Variants in ZNF141 observed in about 807,000 individuals in gnomAD.
The protein encoded by ZNF141 is zinc finger protein 141.
ZNF141 carries 7 observed loss-of-function variants against 11.3 expected under a neutral mutation model. That is an observed-to-expected ratio of 0.62 (90% confidence interval 0.35 to 1.16). ZNF141 has a LOEUF of 1.16. ZNF141 is among the 50% of genes most tolerant of loss of function. The probability of loss-of-function intolerance (pLI) is 0.02; values close to 1 mark genes in which losing one functional copy is unlikely to be tolerated. For missense variants in ZNF141, 535 were observed against 554.0 expected, an observed-to-expected ratio of 0.97 and a Z score of 0.34; for synonymous variants, 183 against 190.7, an observed-to-expected ratio of 0.96 and a Z score of 0.33.
rs1388917185 is a variant in ZNF141, at chr4:373,632, G to C, written c.1195G>C (p.Glu399Gln). The C allele has an allele frequency of 6.2e-7, 1 of 1,614,054 alleles. No homozygotes were observed. Among genetic ancestry groups the C allele is most frequent in the African/African-American group, 1.3e-5 (1 of 74,926 alleles). ...HTGEKPYKCE[E>Q]CGKAFRRSTD... ...TGGAGAGAAACCCTACAAATGTGAA[G>C]AATGTGGCAAAGCCTTTAGACGGTC... is the stretch of plus-strand genomic sequence containing the variant. The change falls in exon 4 of 4, where the codon GAA (glutamate) becomes CAA (glutamine). Residue 399 changes from glutamate to glutamine, a missense_variant. Physicochemically the swap from Glu to Gln is conservative, Grantham distance 29. Transcript: ENST00000240499.
chr4:346,587 C>T (rs552016829), intron 3 of ZNF141, among the ~76,000 whole-genome samples: 3 of 152,252 alleles, frequency 2.0e-5, no homozygotes, highest in Admixed American at 2.0e-4. Context: ...ATTTACTCAA[C>T]TTATAACTAA....
At chr4:339,549 C>T (rs1720953790) in intron 1 of ZNF141, among the ~76,000 whole-genome samples, 1 of 152,212 alleles carries the variant, frequency 6.6e-6, no homozygotes, top group South Asian at 2.1e-4. Context: ...GTTGTAGGAC[C>T]AAATACAAAT....
chr4:371,020 C>T (rs1162627913), intron 3 of ZNF141, among the ~76,000 whole-genome samples: 7 of 151,910 alleles, frequency 4.6e-5, no homozygotes, highest in Admixed American at 3.9e-4. Context: ...GCATGAGCCA[C>T]CATGCCTGGC....
intron 1 of ZNF141, among the ~76,000 whole-genome samples, chr4:339,514 C>G (rs1553848096): frequency 6.6e-6 from 1 of 152,218 alleles, no homozygotes; most frequent in Admixed American, 6.5e-5. Context: ...TTAGTGAGTT[C>G]AAGACCATGC....
intron 3 of ZNF141, among the ~76,000 whole-genome samples, chr4:367,833 T>C (rs1250833310): frequency 1.3e-5 from 2 of 152,226 alleles, no homozygotes; most frequent in Admixed American, 1.3e-4. Flanking sequence ...TACTGTTTTT[T>C]TCCAAAGTTT....
intron 3 of ZNF141, among the ~76,000 whole-genome samples, chr4:345,676 C>T (rs572930370): frequency 1.4e-5 from 2 of 141,820 alleles, no homozygotes; most frequent in Non-Finnish European, 3.0e-5. Flanking sequence ...TGCGGTTTGC[C>T]GAGATTTTGC....
Position 382,820 on chromosome 4 carries a change from G to T in ZNF141, c.*8958G>T. ...TGGGCTTCAGAATCAGGCCAACGTT[G>T]ATCCTGAGTCCCAGCCAGCTGCTTA... On this transcript the variant is annotated 3_prime_UTR_variant, in exon 4 of 4. Coordinates refer to ENST00000240499, the MANE Select transcript of ZNF141 (RefSeq NM_003441.4). 3.8e-6 allele frequency: 1 copy of T among 260,128 alleles called. No homozygotes were observed. The highest frequency in any genetic ancestry group is 7.4e-6 in the Non-Finnish European group (1 of 135,166). 16.1% of individuals were successfully genotyped at this position (260,128 alleles called of 1,614,324 possible). A position where few individuals can be genotyped will look rare whatever the true frequency, so the allele number is the denominator to read the frequency against.
chr4:344,571 G>A (rs1308889471), intron 3 of ZNF141, 141 bp downstream of exon 3: 5 of 553,888 alleles, frequency 9.0e-6, no homozygotes, highest in South Asian at 6.2e-5. Context: ...CGAGGCAGGC[G>A]GATCACGAGG....
At chr4:369,955 C>T (rs948308604) in intron 3 of ZNF141, among the ~76,000 whole-genome samples, 4 of 150,672 alleles carry the variant, frequency 2.7e-5, no homozygotes, top group South Asian at 2.1e-4. Context: ...TTAGTAGAGA[C>T]GGGGTTTCAC....
chr4:374,325 T>C lies in ZNF141; in HGVS notation c.*463T>C, dbSNP rs1463471512. The C allele has an allele frequency of 6.2e-6, 2 of 324,818 alleles. No homozygotes were observed. Among genetic ancestry groups the C allele is most frequent in the East Asian group, 8.0e-5 (1 of 12,452 alleles). The allele number at this position is 324,818 out of a possible 1,614,324, so 20.1% of individuals were successfully genotyped here. ...GTGTGGCAAAGCCTTTAAATGGTCC[T>C]CAACCCTTAATGAACGTAAGTGAAT... On this transcript the variant is annotated 3_prime_UTR_variant, in exon 4 of 4. Coordinates refer to ENST00000240499, the MANE Select transcript of ZNF141 (RefSeq NM_003441.4).
rs1213745475 is a variant in ZNF141 at position 337,827 on chromosome 4, G to A, written c.-157G>A. ...GATGTGGCGCGGGTCTTTGCGTCTGGCTACTACCAGACCGCGGGTTAGGGG... is the reference window on the plus strand; with the variant it reads ...GATGTGGCGCGGGTCTTTGCGTCTGACTACTACCAGACCGCGGGTTAGGGG... On this transcript the variant is annotated 5_prime_UTR_variant, in exon 1 of 4. Transcript: ENST00000240499. The A allele has an allele frequency of 7.5e-6, 7 of 932,110 alleles. No homozygotes were observed. The South Asian group carries it at 7.9e-5, about 11-fold the overall frequency. The allele number at this position is 932,110 out of a possible 1,614,324, so 57.7% of individuals were successfully genotyped here.
At position 384,763 on chromosome 4, in the gene ZNF141, A is replaced by G. The variant is rs1712838032; in HGVS notation, c.*10901A>G. On this transcript the variant is annotated 3_prime_UTR_variant, in exon 4 of 4. Transcript: ENST00000240499. ...CACAGAAGACTTCCTCGTTCTTGCC[A>G]CATAAAAGACCCAGAACTCAGCCCC... 6.6e-6 allele frequency: 1 copy of G among 152,200 alleles called. No homozygotes were observed. The highest frequency in any genetic ancestry group is 1.5e-5 in the Non-Finnish European group (1 of 68,070). 9.4% of individuals were successfully genotyped at this position (152,200 alleles called of 1,614,324 possible). A position where few individuals can be genotyped will look rare whatever the true frequency, so the allele number is the denominator to read the frequency against.
intron 3 of ZNF141, among the ~76,000 whole-genome samples, chr4:366,902 A>G (rs1711770645): frequency 6.6e-6 from 1 of 151,556 alleles, no homozygotes; most frequent in African/African-American, 2.4e-5. Context: ...TCTGGACCTC[A>G]GGTAATCCTC....
In ZNF141 at chr4:346,894, C is replaced by CACACACACACACACA. The variant is rs1553849669; in HGVS notation, c.226+2464_226+2465insACACACACACACACA. Among the ~76,000 whole-genome samples the CACACACACACACACA allele has an allele frequency of 1.5e-4, 12 of 81,478 alleles. 2 individuals are homozygous for CACACACACACACACA. The South Asian group carries it at 3.3e-3, about 22-fold the overall frequency. 53.5% of individuals were successfully genotyped at this position (81,478 alleles called of 152,430 possible). ...ATATATGTATACACACACACACACA[C>CACACACACACACACA]CGCCCCCCCCATATATTGGCTACTG... On this transcript the variant is annotated intron_variant, in intron 3 of 3. Coordinates refer to ENST00000240499, the MANE Select transcript of ZNF141 (RefSeq NM_003441.4).
chr4:359,514 A>C (rs1722011301), intron 3 of ZNF141, among the ~76,000 whole-genome samples: 1 of 152,060 alleles, frequency 6.6e-6, no homozygotes, highest in South Asian at 2.1e-4. Context: ...GCTGAGACCA[A>C]AGTCTTCAGG....
intron 3 of ZNF141, among the ~76,000 whole-genome samples, chr4:344,952 T>A (rs1194336610): frequency 6.6e-6 from 1 of 152,226 alleles, no homozygotes; most frequent in Non-Finnish European, 1.5e-5. Flanking sequence ...TCTTTAGTGA[T>A]CTCCCTTTAA....
Position 384,330 on chromosome 4 carries a change from G to C in ZNF141, c.*10468G>C, listed in dbSNP as rs1712812356. 6.6e-6 allele frequency: 1 copy of C among 152,358 alleles called. No homozygotes were observed. The highest frequency in any genetic ancestry group is 2.4e-5 in the African/African-American group (1 of 41,464). The allele number at this position is 152,358 out of a possible 1,614,324, so 9.4% of individuals were successfully genotyped here. ...TTTACCATCTGATATTTGAAAAGAA[G>C]AGGAACCCCTGAGAAAGGAGGCAGA... On this transcript the variant is annotated 3_prime_UTR_variant, in exon 4 of 4. Coordinates refer to ENST00000240499, the MANE Select transcript of ZNF141 (RefSeq NM_003441.4).
Position 373,450 on chromosome 4 carries a change from C to G in ZNF141, c.1013C>G (p.Pro338Arg), listed in dbSNP as rs1367729969. Residue 338 changes from proline to arginine, a missense_variant, in exon 4 of 4, where the codon CCC becomes CGC. By Grantham distance (103) the Pro-to-Arg change is moderately radical (BLOSUM62 -2). Coordinates refer to ENST00000240499, the MANE Select transcript of ZNF141 (RefSeq NM_003441.4). Reference sequence around the variant, plus strand: ...AAGAGAATTCATACTGGAGAGAAACCCTACACATGTGAAGAATGTGGCAAA... The same window carrying G: ...AAGAGAATTCATACTGGAGAGAAACGCTACACATGTGAAGAATGTGGCAAA... ...KHKRIHTGEK[P>R]YTCEECGKAF... 1.2e-6 allele frequency: 2 copies of G among 1,613,924 alleles called. No homozygotes were observed. Among genetic ancestry groups the G allele is most frequent in the Non-Finnish European group, 1.7e-6 (2 of 1,180,010 alleles).
At position 367,749 on chromosome 4, in the gene ZNF141, T is replaced by A. The variant is rs144733683; in HGVS notation, c.227-4915T>A. The stretch of plus-strand genomic sequence containing the variant: ...CCAGGCTAGTCTTGATCTCCTGACC[T>A]CATGATCTGTCCGCCACGGCCTCCC... On this transcript the variant is annotated intron_variant, in intron 3 of 3. Transcript: ENST00000240499. Among the ~76,000 whole-genome samples the A allele has an allele frequency of 5.1e-3, 774 of 152,224 alleles. 5 individuals are homozygous for A. The highest frequency in any genetic ancestry group is 0.018 in the African/African-American group (742 of 41,548).
Sources: gnomAD v4.1 joint callset for allele counts (sites outside exome capture counted in the v4.1 genomes callset) on GRCh38, gnomAD v4.1.1 for gene constraint, MANE v1.5 for transcripts, NCBI Gene and HGNC (gene_info 2026-07-23, HGNC 2026-07-21) for gene names.